LPIN1: variants seen among roughly 807,000 people sequenced by gnomAD.
LPIN1 encodes lipin 1, also known as phosphatidate phosphatase LPIN1.
LPIN1 carries 71 observed loss-of-function variants against 107.5 expected under a neutral mutation model. The ratio of observed to expected loss-of-function variants is 0.66; its 90% CI spans 0.55 to 0.80. The LOEUF (loss-of-function observed/expected upper bound fraction) is 0.80, where lower values mean the gene tolerates loss of function less well. LPIN1 is among the 30% of genes least tolerant of loss of function. The pLI, the probability that LPIN1 is intolerant of heterozygous loss-of-function variation, is 0.00. For missense variants in LPIN1, 1,043 were observed against 1,160.6 expected, an observed-to-expected ratio of 0.90 and a Z score of 1.47; for synonymous variants, 445 against 452.6, an observed-to-expected ratio of 0.98 and a Z score of 0.21.
chr2:11,780,820 G>A (rs2148653939), intron 7 of LPIN1, among the ~76,000 whole-genome samples: 1 of 152,300 alleles, frequency 6.6e-6, no homozygotes. Flanking sequence ...GGCACCTGTA[G>A]GCCCTCTGAA....
At chr2:11,743,666 C>T (rs1165555864), upstream of LPIN1, among the ~76,000 whole-genome samples, 1 of 152,180 alleles carries the variant, frequency 6.6e-6, no homozygotes, top group African/African-American at 2.4e-5. This position sits in a 1 kb window ranked among gnomAD's most constrained non-coding sequence, Gnocchi z 4.7. Context: ...AAAGTCTGCA[C>T]CTCTAGGGGA....
intron 1 of LPIN1, chr2:11,724,563 T>A (rs1253935078): frequency 1.1e-5 from 11 of 985,454 alleles, no homozygotes; most frequent in Non-Finnish European, 1.3e-5. Context: ...GGGGCCTTTA[T>A]CTGAAGTTAA....
At chr2:11,754,109 G>T (rs1668304540) in intron 1 of LPIN1, among the ~76,000 whole-genome samples, 1 of 152,182 alleles carries the variant, frequency 6.6e-6, no homozygotes, top group Non-Finnish European at 1.5e-5. Context: ...TAGAGGAAGG[G>T]TGCCAGGGGT....
rs771205777 is a variant in LPIN1, at chr2:11,819,495, A to G, written c.2414A>G (p.Glu805Gly). The G allele has an allele frequency of 7.6e-5, 122 of 1,608,458 alleles. No individual in the cohort carries two copies. Among genetic ancestry groups the G allele is most frequent in the Non-Finnish European group, 8.5e-6 (10 of 1,174,856 alleles). ...LFSALHREVIEKKPEKFKVQC... is the reference protein window; with the variant it reads ...LFSALHREVIGKKPEKFKVQC... ...TATTTGTTTAACAGAGAAGTGATTG[A>G]AAAGAAGCCAGAAAAGTTTAAAGTC... is the stretch of plus-strand genomic sequence containing the variant. The change falls in exon 19 of 21, where the codon GAA becomes GGA. Residue 805 changes from glutamate to glycine, a missense_variant. Physicochemically the swap from Glu to Gly is moderately conservative, Grantham distance 98. Coordinates refer to ENST00000674199, the MANE Select transcript of LPIN1 (RefSeq NM_001349206.2).
intron 18 of LPIN1, chr2:11,818,634 A>G (rs1300162365): frequency 6.6e-6 from 1 of 151,278 alleles, no homozygotes; most frequent in Non-Finnish European, 1.5e-5. Flanking sequence ...TTTTCCCCTA[A>G]TTCTTTCTAG....
At chr2:11,779,176 C>A (rs752246973) in intron 6 of LPIN1, among the ~76,000 whole-genome samples, 19 of 152,222 alleles carry the variant, frequency 1.2e-4, no homozygotes, top group Non-Finnish European at 2.6e-4. Context: ...GATGCGAGTG[C>A]AGAGTGGGGT....
intron 1 of LPIN1, among the ~76,000 whole-genome samples, chr2:11,733,305 C>T (rs527963678): frequency 1.3e-5 from 2 of 152,038 alleles, no homozygotes; most frequent in Non-Finnish European, 2.9e-5. Flanking sequence ...GTTTTAACAC[C>T]TCATATACAT....
chr2:11,738,249 A>C (rs1315228122), intron 1 of LPIN1, among the ~76,000 whole-genome samples: 1 of 151,394 alleles, frequency 6.6e-6, no homozygotes, highest in African/African-American at 2.4e-5. Context: ...GTGGGGGGCT[A>C]GGGGAGGGAT....
intron 1 of LPIN1, among the ~76,000 whole-genome samples, chr2:11,753,189 C>G (rs1668128440): frequency 6.9e-6 from 1 of 145,182 alleles, no homozygotes; most frequent in Non-Finnish European, 1.5e-5. Context: ...AAATTTCCCA[C>G]CTGCCTAACA....
At chr2:11,811,082 TC>T (rs1221836156) in intron 17 of LPIN1, among the ~76,000 whole-genome samples, 6 of 152,208 alleles carry the variant, frequency 3.9e-5, no homozygotes, top group Non-Finnish European at 5.9e-5. Flanking sequence ...GTCCCACCTG[TC>T]CTTCTGGGTA....
chr2:11,800,908 A>G (rs907053149), intron 14 of LPIN1, among the ~76,000 whole-genome samples: 16 of 152,040 alleles, frequency 1.1e-4, no homozygotes, highest in Non-Finnish European at 1.9e-4. Context: ...TTGAATGAGG[A>G]GTTTGCACAT....
chr2:11,730,975 C>G (rs545861835), intron 1 of LPIN1, among the ~76,000 whole-genome samples: 1 of 152,166 alleles, frequency 6.6e-6, no homozygotes, highest in African/African-American at 2.4e-5. Context: ...CTGATTAAGA[C>G]GCAGCGGTAG....
At position 11,781,315 on chromosome 2, in the gene LPIN1, G is replaced by C. The variant is rs576884633; in HGVS notation, c.958-886G>C. ...CTGACCCAGCCAACTCTCTTTGCAA[G>C]TTTATGTCGTTAGTTGCTGGAGAAA... On this transcript the variant is annotated intron_variant, in intron 7 of 20. Coordinates refer to ENST00000674199, the MANE Select transcript of LPIN1 (RefSeq NM_001349206.2). Among the ~76,000 whole-genome samples the C allele has an allele frequency of 2.0e-5, 3 of 152,350 alleles. No homozygotes were observed. In the South Asian group the frequency reaches 6.2e-4, roughly 32 times the overall value.
chr2:11,785,870 C>T (rs1044388541), intron 10 of LPIN1, among the ~76,000 whole-genome samples: 47 of 152,286 alleles, frequency 3.1e-4, no homozygotes, highest in African/African-American at 9.6e-4. Flanking sequence ...TTCTCACGCC[C>T]GTGCCAGCCA....
chr2:11,809,319 A>G (rs1397293851), intron 17 of LPIN1, among the ~76,000 whole-genome samples: 2 of 152,170 alleles, frequency 1.3e-5, no homozygotes, highest in Non-Finnish European at 2.9e-5. Flanking sequence ...AAGAACACTT[A>G]CCGTGTTTCC....
chr2:11,773,545 A>G, intron 4 of LPIN1, 75 bp from the exon 5 acceptor site: 1 of 1,343,312 alleles, frequency 7.4e-7, no homozygotes, highest in East Asian at 2.3e-5. Context: ...AGAGCTAATC[A>G]AGAAAAAATT....
chr2:11,701,588 A>G (rs2148516362), intron 1 of LPIN1, among the ~76,000 whole-genome samples: 1 of 152,352 alleles, frequency 6.6e-6, no homozygotes, highest in East Asian at 1.9e-4. Flanking sequence ...TAAAAATATG[A>G]CATTACTGAA....
intron 1 of LPIN1, among the ~76,000 whole-genome samples, chr2:11,684,587 A>ATGT (rs1661900961): frequency 6.6e-6 from 1 of 152,158 alleles, no homozygotes; most frequent in Admixed American, 6.5e-5. Context: ...AAAATAAGAC[A>ATGT]ATGTTGTGGG....
At chr2:11,704,100 T>A (rs1274758454) in intron 1 of LPIN1, among the ~76,000 whole-genome samples, 1 of 152,184 alleles carries the variant, frequency 6.6e-6, no homozygotes, top group Non-Finnish European at 1.5e-5. Flanking sequence ...GTAGCTGGCA[T>A]CCCCCAGAAT....
Sources: allele counts gnomAD v4.1 joint callset (sites outside exome capture counted in the v4.1 genomes callset), GRCh38; gene constraint gnomAD v4.1.1; non-coding constraint Gnocchi (gnomAD v3.1); transcripts MANE v1.5; gene names NCBI Gene and HGNC (gene_info 2026-07-23, HGNC 2026-07-21).